Variants in PLCB4 observed in about 807,000 individuals in gnomAD.
PLCB4 encodes the protein phospholipase C beta 4.
In PLCB4, 77 loss-of-function variants were observed where a neutral mutation model predicts 178.8. The observed-to-expected ratio is 0.43, with a 90% CI of 0.36 to 0.52. The LOEUF is 0.52. Ranked by LOEUF, PLCB4 falls within the 20% of genes least tolerant of loss-of-function variation. PLCB4 has a pLI of 0.00. For missense variants in PLCB4, 1,024 were observed against 1,453.4 expected, an observed-to-expected ratio of 0.70 and a Z score of 4.80; for synonymous variants, 496 against 490.8, an observed-to-expected ratio of 1.01 and a Z score of -0.14.
intron 24 of PLCB4, among the ~76,000 whole-genome samples, chr20:9,410,722 C>T (rs1350289040): frequency 6.6e-6 from 1 of 152,158 alleles, no homozygotes; most frequent in Non-Finnish European, 1.5e-5. Context: ...CCATCCTCTC[C>T]CACTGTAGCA....
intron 32 of PLCB4, among the ~76,000 whole-genome samples, chr20:9,444,686 C>T (rs1376149947): frequency 7.2e-5 from 11 of 152,002 alleles, no homozygotes; most frequent in South Asian, 2.1e-4. Flanking sequence ...CGCTTTAACC[C>T]GGGAGGCAGA....
chr20:9,387,173 A>C (rs1421352188), intron 14 of PLCB4, among the ~76,000 whole-genome samples: 1 of 151,892 alleles, frequency 6.6e-6, no homozygotes, highest in Non-Finnish European at 1.5e-5. Context: ...CGGCCCCCAA[A>C]TTGTCCTTTA....
At chr20:9,248,913 A>G (rs2094151687) in intron 3 of PLCB4, among the ~76,000 whole-genome samples, 1 of 152,174 alleles carries the variant, frequency 6.6e-6, no homozygotes, top group Admixed American at 6.5e-5. Flanking sequence ...ATCAAGGGCT[A>G]AAATCAAGGG....
At chr20:9,434,656 G>T (rs142637076) in intron 28 of PLCB4, among the ~76,000 whole-genome samples, 11 of 152,110 alleles carry the variant, frequency 7.2e-5, no homozygotes, top group African/African-American at 2.7e-4. Flanking sequence ...GATTACCGGC[G>T]TGAGCTACTG....
intron 2 of PLCB4, among the ~76,000 whole-genome samples, chr20:9,170,543 C>T (rs973912650): frequency 2.6e-5 from 4 of 152,134 alleles, no homozygotes; most frequent in Admixed American, 2.0e-4. Flanking sequence ...AAAAAAACTC[C>T]TCTTTCAGGC....
intron 35 of PLCB4, among the ~76,000 whole-genome samples, chr20:9,464,130 C>G (rs769155895): frequency 3.9e-5 from 6 of 152,168 alleles, no homozygotes; most frequent in Non-Finnish European, 5.9e-5. Context: ...GAAACTCACT[C>G]AAAACTGCAA....
chr20:9,074,197 A>G (rs2146474536), intron 1 of PLCB4, among the ~76,000 whole-genome samples: 1 of 152,272 alleles, frequency 6.6e-6, no homozygotes, highest in East Asian at 1.9e-4. Flanking sequence ...CCCTATCTGT[A>G]AAATGAGGAG....
intron 38 of PLCB4, 135 bp from the exon 39 acceptor site, chr20:9,476,582 C>T: frequency 1.6e-6 from 1 of 622,650 alleles, no homozygotes; most frequent in Non-Finnish European, 2.9e-6. Context: ...GGGGTGTGTA[C>T]ATGTTTTATC....
At chr20:9,154,905 C>CTTCCTTCCTTCCT (rs1473005178) in intron 2 of PLCB4, among the ~76,000 whole-genome samples, 1 of 62,338 alleles carries the variant, frequency 1.6e-5, no homozygotes, top group African/African-American at 6.0e-5. Flanking sequence ...CCCTCCTTCC[C>CTTCCTTCCTTCCT]TCCTTCCTTC....
intron 3 of PLCB4, among the ~76,000 whole-genome samples, chr20:9,247,790 T>C (rs1393025745): frequency 4.6e-5 from 7 of 152,200 alleles, no homozygotes; most frequent in Middle Eastern, 3.2e-3. Flanking sequence ...CACCTGGTGA[T>C]CTGATTTCCA....
chr20:9,337,306 AT>A (rs2032597252), intron 5 of PLCB4, 100 bp downstream of exon 5: 1 of 778,992 alleles, frequency 1.3e-6, no homozygotes, highest in African/African-American at 1.7e-5. Context: ...CCCTACCCTT[AT>A]TCATTCATTC....
At chr20:9,288,995 T>C (rs2094558191) in intron 3 of PLCB4, among the ~76,000 whole-genome samples, 1 of 152,220 alleles carries the variant, frequency 6.6e-6, no homozygotes, top group African/African-American at 2.4e-5. Context: ...TCTTCTTCTC[T>C]GTACAACTTC....
At chr20:9,233,259 C>T (rs945021611) in intron 3 of PLCB4, among the ~76,000 whole-genome samples, 2 of 151,992 alleles carry the variant, frequency 1.3e-5, no homozygotes, top group African/African-American at 2.4e-5. Context: ...TTAGTGTTTG[C>T]TAAATAGTCA....
chr20:9,237,423 C>T (rs532455545), intron 3 of PLCB4, among the ~76,000 whole-genome samples: 19 of 152,268 alleles, frequency 1.2e-4, no homozygotes, highest in African/African-American at 3.6e-4. Context: ...GAATGAAACG[C>T]TAAGGAGTTT....
chr20:9,282,288 G>A (rs2094500979), intron 3 of PLCB4, among the ~76,000 whole-genome samples: 1 of 151,968 alleles, frequency 6.6e-6, no homozygotes, highest in Non-Finnish European at 1.5e-5. Context: ...GTAGGTAGGA[G>A]AGATTCAGAG....
intron 3 of PLCB4, among the ~76,000 whole-genome samples, chr20:9,276,963 A>G (rs190652688): frequency 5.3e-5 from 8 of 152,146 alleles, no homozygotes; most frequent in East Asian, 1.9e-4. Context: ...AGAAATAGAA[A>G]TGTGCAATTT....
chr20:9,215,204 T>TG (rs1052490446), intron 2 of PLCB4, among the ~76,000 whole-genome samples: 1 of 152,206 alleles, frequency 6.6e-6, no homozygotes, highest in African/African-American at 2.4e-5. Flanking sequence ...TGGTAGGTAT[T>TG]GGGGAAATAC....
chr20:9,101,800 G>A (rs1217442573), intron 2 of PLCB4, among the ~76,000 whole-genome samples: 1 of 151,492 alleles, frequency 6.6e-6, no homozygotes, highest in African/African-American at 2.4e-5. Flanking sequence ...TTAGAGGAAA[G>A]CTTAGTGCCT....
chr20:9,473,958 C>A (rs1485074770), intron 38 of PLCB4, among the ~76,000 whole-genome samples: 1 of 152,146 alleles, frequency 6.6e-6, no homozygotes, highest in Non-Finnish European at 1.5e-5. Context: ...TGGGCTCATG[C>A]CTGTAATCCC....
Sources: allele counts gnomAD v4.1 joint callset (sites outside exome capture counted in the v4.1 genomes callset), GRCh38; gene constraint gnomAD v4.1.1; transcripts MANE v1.5; gene names NCBI Gene and HGNC (gene_info 2026-07-23, HGNC 2026-07-21).